The following ULK4 variants were observed in gnomAD, a reference collection of about 807,000 sequenced individuals.
ULK4 encodes unc-51 like kinase 4.
Under a neutral mutation model 160.6 loss-of-function variants are expected in ULK4, and 133 were observed. The observed-to-expected ratio is 0.83, with a 90% CI of 0.72 to 0.96. The LOEUF (loss-of-function observed/expected upper bound fraction) is 0.96, where lower values mean the gene tolerates loss of function less well. ULK4 is among the 40% of genes least tolerant of loss of function. The pLI is 0.00. For synonymous variants in ULK4, 534 were observed against 539.8 expected (o/e 0.99, Z 0.15); for missense variants, 1,580 against 1,499.5 (o/e 1.05, Z -0.89).
At chr3:41,374,240 C>G (rs1168734120) in intron 35 of ULK4, among the ~76,000 whole-genome samples, 1 of 152,172 alleles carries the variant, frequency 6.6e-6, no homozygotes, top group African/African-American at 2.4e-5. Context: ...CCTTCTTAAA[C>G]TATTCCAAAC....
At chr3:41,855,306 G>A (rs925138340) in intron 17 of ULK4, among the ~76,000 whole-genome samples, 5 of 152,112 alleles carry the variant, frequency 3.3e-5, no homozygotes, top group Admixed American at 1.3e-4. Context: ...GAATATGGAG[G>A]GAGAAACCAT....
At chr3:41,468,149 G>A (rs1222512222) in intron 32 of ULK4, among the ~76,000 whole-genome samples, 1 of 152,148 alleles carries the variant, frequency 6.6e-6, no homozygotes, top group Non-Finnish European at 1.5e-5. Context: ...GATATGCTGA[G>A]TTTGATACAA....
intron 34 of ULK4, among the ~76,000 whole-genome samples, chr3:41,438,951 C>A (rs7628300): frequency 0.27 from 39,599 of 147,862 alleles, 5,690 homozygotes; most frequent in African/African-American, 0.38. Context: ...TTATAGCAAA[C>A]TGCACAAATA....
chr3:41,657,885 G>A (rs1404620103), intron 30 of ULK4, among the ~76,000 whole-genome samples: 1 of 146,396 alleles, frequency 6.8e-6, no homozygotes, highest in African/African-American at 2.6e-5. Flanking sequence ...AAGTTAATGA[G>A]TTGCCATTTT....
chr3:41,741,553 C>A (rs191318044), intron 22 of ULK4, among the ~76,000 whole-genome samples: 2 of 152,026 alleles, frequency 1.3e-5, no homozygotes, highest in East Asian at 3.9e-4. Flanking sequence ...AAGCATATAT[C>A]CTGAACAATT....
chr3:41,422,025 C>T (rs2082675078), intron 34 of ULK4, among the ~76,000 whole-genome samples: 1 of 151,870 alleles, frequency 6.6e-6, no homozygotes, highest in Non-Finnish European at 1.5e-5. Flanking sequence ...ACCCTTTAAA[C>T]TGGCAGCCCT....
At chr3:41,643,062 T>C (rs949499346) in intron 30 of ULK4, among the ~76,000 whole-genome samples, 2 of 152,190 alleles carry the variant, frequency 1.3e-5, no homozygotes, top group Non-Finnish European at 2.9e-5. Context: ...TGTACATTTC[T>C]TTGAGTTCAT....
chr3:41,886,302 C>T (rs994916281), intron 16 of ULK4, among the ~76,000 whole-genome samples: 3 of 152,090 alleles, frequency 2.0e-5, no homozygotes, highest in African/African-American at 2.4e-5. Flanking sequence ...TATCTGTCTC[C>T]CCAACCAGCC....
chr3:41,350,254 G>T (rs980202225), intron 35 of ULK4, among the ~76,000 whole-genome samples: 2 of 152,086 alleles, frequency 1.3e-5, no homozygotes, highest in African/African-American at 4.8e-5. Context: ...TTTTGATTTT[G>T]TTCTTGTATT....
intron 4 of ULK4, among the ~76,000 whole-genome samples, chr3:41,935,218 T>TA (rs1699732507): frequency 1.1e-3 from 5 of 4,748 alleles, no homozygotes; most frequent in African/African-American, 1.4e-3. Context: ...TATTTTTTTT[T>TA]TTTTTTTTTT....
chr3:41,663,210 G>A (rs1395004062), intron 30 of ULK4, among the ~76,000 whole-genome samples: 1 of 150,836 alleles, frequency 6.6e-6, no homozygotes, highest in African/African-American at 2.4e-5. Context: ...GACAGAGTAA[G>A]ACTCCATCTC....
intron 35 of ULK4, among the ~76,000 whole-genome samples, chr3:41,319,128 T>C (rs1249898784): frequency 1.3e-5 from 2 of 152,208 alleles, no homozygotes; most frequent in South Asian, 2.1e-4. Context: ...TTAAAGGTAG[T>C]GCAACACATT....
chr3:41,747,023 C>A (rs1363741714), intron 22 of ULK4, among the ~76,000 whole-genome samples: 2 of 151,902 alleles, frequency 1.3e-5, no homozygotes, highest in Admixed American at 1.3e-4. Context: ...AAATGGATCA[C>A]AAACTTAAAT....
chr3:41,493,756 G>A (rs7633780), intron 32 of ULK4, among the ~76,000 whole-genome samples: 111,300 of 133,648 alleles, frequency 0.83, 46,841 homozygotes, highest in Non-Finnish European at 0.93. Context: ...TATCACCACC[G>A]ATCCCACAGA....
intron 32 of ULK4, among the ~76,000 whole-genome samples, chr3:41,548,506 C>G (rs1008428162): frequency 8.5e-5 from 13 of 152,132 alleles, no homozygotes; most frequent in Admixed American, 7.9e-4. Flanking sequence ...CCCTATCCAC[C>G]CACACATGCC....
chr3:41,340,905 G>C (rs1387417437), intron 35 of ULK4, among the ~76,000 whole-genome samples: 1 of 152,178 alleles, frequency 6.6e-6, no homozygotes, highest in African/African-American at 2.4e-5. Context: ...GATGGGGTTG[G>C]GGTGGACACA....
chr3:41,880,700 G>C (rs1245545096), intron 17 of ULK4, among the ~76,000 whole-genome samples: 1 of 152,108 alleles, frequency 6.6e-6, no homozygotes, highest in Non-Finnish European at 1.5e-5. Flanking sequence ...AAGACAAATG[G>C]ATCACTTGAG....
chr3:41,291,009 G>A (rs974530353), intron 35 of ULK4, among the ~76,000 whole-genome samples: 1 of 152,144 alleles, frequency 6.6e-6, no homozygotes, highest in African/African-American at 2.4e-5. Context: ...TGGCTTCTAG[G>A]CCTCCTCCTG....
chr3:41,373,736 C>T (rs951803387), intron 35 of ULK4, among the ~76,000 whole-genome samples: 2 of 151,928 alleles, frequency 1.3e-5, no homozygotes, highest in Non-Finnish European at 2.9e-5. Context: ...ACTAGAGAAG[C>T]AAGAGCAAAC....
Sources: gnomAD v4.1 joint callset for allele counts (sites outside exome capture counted in the v4.1 genomes callset) on GRCh38, gnomAD v4.1.1 for gene constraint, MANE v1.5 for transcripts, NCBI Gene and HGNC (gene_info 2026-07-23, HGNC 2026-07-21) for gene names.